FAM124B: variants seen among roughly 807,000 people sequenced by gnomAD.
The protein encoded by FAM124B is family with sequence similarity 124 member B.
FAM124B carries 18 observed loss-of-function variants against 19.7 expected under a neutral mutation model. The observed-to-expected ratio is 0.92, with a 90% CI of 0.63 to 1.36. The LOEUF is 1.36. FAM124B is among the 40% of genes most tolerant of loss of function. FAM124B has a pLI of 0.00. For missense variants in FAM124B, 540 were observed against 553.3 expected (o/e 0.98, Z 0.24); for synonymous variants, 223 against 225.2 (o/e 0.99, Z 0.09).
chr2:224,388,836 T>C (rs1689838438), intron 1 of FAM124B, among the ~76,000 whole-genome samples: 1 of 152,134 alleles, frequency 6.6e-6, no homozygotes, highest in Non-Finnish European at 1.5e-5. Flanking sequence ...ACATAAAATA[T>C]AGAAAGCAAA....
chr2:224,394,073 T>C (rs918187054), intron 1 of FAM124B, among the ~76,000 whole-genome samples: 11 of 152,142 alleles, frequency 7.2e-5, no homozygotes, highest in African/African-American at 2.7e-4. Flanking sequence ...CCAAGCGACA[T>C]TGACTTCCAT....
intron 1 of FAM124B, among the ~76,000 whole-genome samples, chr2:224,398,451 G>A (rs1690010574): frequency 6.6e-6 from 1 of 152,144 alleles, no homozygotes; most frequent in South Asian, 2.1e-4. Context: ...CTATCTAGGA[G>A]CTACAATGTG....
At chr2:224,388,547 C>T (rs950754462) in intron 1 of FAM124B, among the ~76,000 whole-genome samples, 5 of 152,104 alleles carry the variant, frequency 3.3e-5, no homozygotes, top group African/African-American at 1.2e-4. Flanking sequence ...AAAGTAGAAT[C>T]GAGGTTACCA....
chr2:224,379,666 G>T lies in FAM124B; in HGVS notation c.1275C>A (p.Asp425Glu), dbSNP rs1459710314. Residue 425 changes from aspartate (D) to glutamate (E), a missense_variant, in exon 2 of 2, where the codon GAC becomes GAA. By Grantham distance (45) the Asp-to-Glu change is conservative (BLOSUM62 2). Transcript: ENST00000409685. ...VSPLPLAGQR[D>E]LGTRKTISEC... ...CTGAAATTGTCTTCCTGGTACCAAG[G>T]TCCCTTTGGCCAGCAAGTGGCAAAG... is the stretch of plus-strand genomic sequence containing the variant. The T allele has an allele frequency of 6.4e-7, 1 of 1,551,524 alleles. No individual in the cohort carries two copies. Among genetic ancestry groups the T allele is most frequent in the Non-Finnish European group, 8.7e-7 (1 of 1,146,964 alleles).
intron 1 of FAM124B, among the ~76,000 whole-genome samples, chr2:224,384,527 A>G (rs534513412): frequency 1.3e-5 from 2 of 152,172 alleles, no homozygotes; most frequent in Non-Finnish European, 2.9e-5. Flanking sequence ...GGTCTGTGAA[A>G]TGGGTGCCCC....
At chr2:224,396,747 G>A (rs1306162348) in intron 1 of FAM124B, among the ~76,000 whole-genome samples, 3 of 152,234 alleles carry the variant, frequency 2.0e-5, no homozygotes, top group African/African-American at 7.2e-5. Flanking sequence ...TTAGAGAAGA[G>A]AATCTGATCC....
At chr2:224,391,794 C>A (rs535296819) in intron 1 of FAM124B, among the ~76,000 whole-genome samples, 3 of 152,298 alleles carry the variant, frequency 2.0e-5, no homozygotes, top group Admixed American at 1.3e-4. Context: ...CCTCAATTTC[C>A]TATCTTTAAA....
At chr2:224,395,727 C>T (rs1051354596) in intron 1 of FAM124B, among the ~76,000 whole-genome samples, 2 of 152,186 alleles carry the variant, frequency 1.3e-5, no homozygotes, top group African/African-American at 2.4e-5. Context: ...TTGATATGCT[C>T]ATATCGCTGT....
At chr2:224,389,209 G>A (rs536861054) in intron 1 of FAM124B, among the ~76,000 whole-genome samples, 1 of 152,204 alleles carries the variant, frequency 6.6e-6, no homozygotes, top group Non-Finnish European at 1.5e-5. Context: ...TGGGATTACA[G>A]GCATGAGCCA....
At chr2:224,386,918 T>C (rs1689808139) in intron 1 of FAM124B, among the ~76,000 whole-genome samples, 1 of 152,256 alleles carries the variant, frequency 6.6e-6, no homozygotes, top group Admixed American at 6.5e-5. Flanking sequence ...AGAAAATTCC[T>C]AATGATTTTT....
intron 1 of FAM124B, among the ~76,000 whole-genome samples, chr2:224,385,006 C>T (rs1689780439): frequency 6.6e-6 from 1 of 152,170 alleles, no homozygotes; most frequent in Non-Finnish European, 1.5e-5. Context: ...TCCACCCTCT[C>T]TTTCCCTCCA....
At chr2:224,392,645 C>T (rs1354173428) in intron 1 of FAM124B, among the ~76,000 whole-genome samples, 1 of 151,964 alleles carries the variant, frequency 6.6e-6, no homozygotes, top group Non-Finnish European at 1.5e-5. Context: ...GTCCCAGCTA[C>T]TCCAGAGACT....
chr2:224,400,515 A>T (rs1375144208), intron 1 of FAM124B: 3 of 688,646 alleles, frequency 4.4e-6, no homozygotes, highest in Non-Finnish European at 7.9e-6. Context: ...TCTAAAAAAT[A>T]AAAAAATTAA....
chr2:224,379,812 T>A lies in FAM124B; in HGVS notation c.1129A>T (p.Thr377Ser). The change falls in exon 2 of 2, where the codon ACT becomes TCT. Residue 377 changes from threonine (T) to serine (S), a missense_variant. Thr to Ser is a moderately conservative substitution (Grantham distance 58). Transcript: ENST00000409685. ...TCCCTTGGAAATCCGCCAAAATAAG[T>A]CTGCCTGGGTTCAGAATTTATGATG... ...LTIINSEPRQ[T>S]YFGGFPRDLQ... is the part of the protein sequence containing the mutation. 6.4e-7 allele frequency: 1 copy of A among 1,551,838 alleles called. No individual in the cohort carries two copies. Among genetic ancestry groups the A allele is most frequent in the Non-Finnish European group, 8.7e-7 (1 of 1,147,028 alleles).
chr2:224,380,065 C>T lies in FAM124B; in HGVS notation c.876G>A (p.Gly292=), dbSNP rs1226919882. The T allele has an allele frequency of 1.9e-6, 3 of 1,551,690 alleles. 1 individual carries two copies. Among genetic ancestry groups the T allele is most frequent in the East Asian group, 4.9e-5 (2 of 40,908 alleles). ...SQRNQGKRSQ[G]HSLELPEPSG... is the part of the protein sequence containing the mutation. ...TGGGCTCAGGAAGCTCCAGAGAATGCCCCTGGGACCTCTTGCCCTGGTTCC... is the reference window on the plus strand; with the variant it reads ...TGGGCTCAGGAAGCTCCAGAGAATGTCCCTGGGACCTCTTGCCCTGGTTCC... Residue 292 remains glycine (G), a synonymous_variant, in exon 2 of 2, where the codon GGG becomes GGA. Transcript: ENST00000409685.
chr2:224,385,518 AG>A (rs1231818698), intron 1 of FAM124B, among the ~76,000 whole-genome samples: 1 of 152,130 alleles, frequency 6.6e-6, no homozygotes, highest in Non-Finnish European at 1.5e-5. Context: ...CTAGGCCTTC[AG>A]TTAGCGTCTA....
In FAM124B at chr2:224,401,397, G is replaced by A. The variant is rs780683002; in HGVS notation, c.372C>T (p.Pro124=). 2.5e-6 allele frequency: 4 copies of A among 1,614,040 alleles called. No individual in the cohort carries two copies. Among genetic ancestry groups the A allele is most frequent in the Non-Finnish European group, 3.4e-6 (4 of 1,179,976 alleles). The change falls in exon 1 of 2, where the codon CCC becomes CCT. Residue 124 remains proline (P), a synonymous_variant. Transcript: ENST00000409685. ...QEFYSLDSQL[P]IWGVRQVHCG... Reference sequence around the variant, plus strand: ...AGTGCACCTGCCTCACCCCCCAGATGGGCAGCTGACTGTCCAGGCTGTAGA... The same window carrying A: ...AGTGCACCTGCCTCACCCCCCAGATAGGCAGCTGACTGTCCAGGCTGTAGA...
At chr2:224,398,582 T>C (rs1158262838) in intron 1 of FAM124B, among the ~76,000 whole-genome samples, 13 of 152,168 alleles carry the variant, frequency 8.5e-5, no homozygotes, top group African/African-American at 2.9e-4. Context: ...CTTAGACTCA[T>C]TGACTTAACA....
intron 1 of FAM124B, among the ~76,000 whole-genome samples, chr2:224,393,557 C>G (rs114664755): frequency 0.012 from 1,776 of 152,162 alleles, 31 homozygotes; most frequent in African/African-American, 0.04. Flanking sequence ...ACTTGGGAAG[C>G]AGTCACCCTT....
Sources: gnomAD v4.1 joint callset for allele counts (sites outside exome capture counted in the v4.1 genomes callset) on GRCh38, gnomAD v4.1.1 for gene constraint, MANE v1.5 for transcripts, NCBI Gene and HGNC (gene_info 2026-07-23, HGNC 2026-07-21) for gene names.